The following CYP20A1 variants were observed in gnomAD, a reference collection of about 807,000 sequenced individuals.
CYP20A1 encodes cytochrome P450 family 20 subfamily A member 1.
In CYP20A1, 61 loss-of-function variants were observed where a neutral mutation model predicts 61.4. The ratio of observed to expected loss-of-function variants is 0.99; its 90% CI spans 0.81 to 1.23. The LOEUF is 1.23. CYP20A1 is among the 50% of genes most tolerant of loss of function. The pLI is 0.00. For synonymous variants in CYP20A1, 193 were observed against 188.2 expected (o/e 1.03, Z -0.21); for missense variants, 530 against 542.4 (o/e 0.98, Z 0.23).
In CYP20A1 at chr2:203,274,432, C is replaced by T. The variant is rs188494593; in HGVS notation, c.679+1684C>T. On this transcript the variant is annotated intron_variant, in intron 6 of 12. Transcript: ENST00000356079. ...AACTCCTGACCTTGGGTGATCCGCC[C>T]GCCTCAGCCTCCCAAAGTGCTGGGA... Among the ~76,000 whole-genome samples, 557 of 152,174 alleles carry T rather than the reference C, an allele frequency of 3.7e-3. 5 individuals carry two copies. Among genetic ancestry groups the T allele is most frequent in the Non-Finnish European group, 5.1e-3 (346 of 67,998 alleles).
chr2:203,269,661 A>C (rs183133054), intron 5 of CYP20A1, among the ~76,000 whole-genome samples: 1,884 of 151,844 alleles, frequency 0.012, 19 homozygotes, highest in Middle Eastern at 0.037. Flanking sequence ...CGCCTGGCTA[A>C]TTTTTGTACC....
chr2:203,296,744 T>G lies in CYP20A1; in HGVS notation c.1239-14T>G. ...TTTAATCTTTAGTAACTAATTGACT[T>G]TCTTCCTGACTAGGTTTGCATATAT... On this transcript the variant is annotated splice_polypyrimidine_tract_variant and intron_variant, in intron 12 of 12. Transcript: ENST00000356079. 1 of 1,573,622 alleles carries G rather than the reference T, an allele frequency of 6.4e-7. No individual in the cohort carries two copies. Among genetic ancestry groups the G allele is most frequent in the Non-Finnish European group, 8.6e-7 (1 of 1,167,916 alleles).
intron 11 of CYP20A1, among the ~76,000 whole-genome samples, chr2:203,292,615 C>T (rs553936389): frequency 3.3e-5 from 5 of 152,184 alleles, no homozygotes; most frequent in African/African-American, 1.2e-4. Flanking sequence ...CGTGCTGCCA[C>T]GCCTGGTTCA....
At chr2:203,285,768 G>A (rs762661265) in intron 9 of CYP20A1, 36 bp downstream of exon 9, 1 of 1,497,816 alleles carries the variant, frequency 6.7e-7, no homozygotes, top group Admixed American at 2.5e-5. Flanking sequence ...TTATTAAAAG[G>A]TAAATTTGAA....
rs1559110328 is a variant in CYP20A1 at position 203,294,940 on chromosome 2, AAT to A, written c.1149-1533_1149-1532del. 2.7e-4 allele frequency among the ~76,000 whole-genome samples: 25 copies of A among 91,226 alleles called. 1 individual carries two copies. Among genetic ancestry groups the A allele is most frequent in the South Asian group, 1.1e-3 (3 of 2,832 alleles). The allele number at this position is 91,226 out of a possible 152,430, so 59.8% of individuals were successfully genotyped here. ...AGCCACTGTGCCCAGCCTTTAAAAA[AAT>A]TTTTTTTTTTTTTTTTTTTTTTTTT... On this transcript the variant is annotated intron_variant, in intron 11 of 12. Coordinates refer to ENST00000356079, the MANE Select transcript of CYP20A1 (RefSeq NM_177538.3).
Position 203,298,976 on chromosome 2 carries a change from A to G in CYP20A1, c.*2068A>G, listed in dbSNP as rs888622990. On this transcript the variant is annotated 3_prime_UTR_variant, in exon 13 of 13. Coordinates refer to ENST00000356079, the MANE Select transcript of CYP20A1 (RefSeq NM_177538.3). ...CTTGAACCTGGGAGGCGGAGGTTGC[A>G]GTGAGCTGATGTTGTGCTAGTGCAC... Among the ~76,000 whole-genome samples, 2 of 152,096 alleles carry G rather than the reference A, an allele frequency of 1.3e-5. No individual in the cohort carries two copies. Among genetic ancestry groups the G allele is most frequent in the African/African-American group, 4.8e-5 (2 of 41,430 alleles).
chr2:203,251,927 G>A, intron 3 of CYP20A1, 40 bp from the exon 4 acceptor site: 3 of 1,479,656 alleles, frequency 2.0e-6, no homozygotes, highest in Non-Finnish European at 2.7e-6. Context: ...CTTTTTGAGT[G>A]ATTATTTTGA....
chr2:203,288,609 ATATT>A (rs990571404), intron 9 of CYP20A1, among the ~76,000 whole-genome samples: 65 of 152,144 alleles, frequency 4.3e-4, no homozygotes, highest in African/African-American at 1.5e-3. Context: ...TACGCAATAA[ATATT>A]TATACAGAGG....
intron 5 of CYP20A1, among the ~76,000 whole-genome samples, chr2:203,271,041 TA>T (rs2067547703): frequency 1.3e-5 from 1 of 78,036 alleles, no homozygotes; most frequent in Non-Finnish European, 2.7e-5. Flanking sequence ...TATATATATA[TA>T]TATGTATATG....
At chr2:203,269,389 A>G (rs2067466827) in intron 5 of CYP20A1, among the ~76,000 whole-genome samples, 1 of 150,774 alleles carries the variant, frequency 6.6e-6, no homozygotes, top group East Asian at 1.9e-4. Flanking sequence ...GGAGGATCAC[A>G]CCACCGCACT....
rs1160586594 is a variant in CYP20A1, at chr2:203,299,624, C to G, written c.*2716C>G. Among the ~76,000 whole-genome samples the G allele has an allele frequency of 1.3e-5, 2 of 152,090 alleles. No individual in the cohort carries two copies. The highest frequency in any genetic ancestry group is 2.4e-5 in the African/African-American group (1 of 41,398). ...GCGTGATGGCTCATGCCTGTAATCC[C>G]AGCACTTTGGGAGGCCGAGGCAGGC... On this transcript the variant is annotated 3_prime_UTR_variant, in exon 13 of 13. Transcript: ENST00000356079.
At chr2:203,245,023 C>A (rs1461372535) in intron 1 of CYP20A1, among the ~76,000 whole-genome samples, 85 of 150,118 alleles carry the variant, frequency 5.7e-4, no homozygotes, top group Non-Finnish European at 1.0e-4. Context: ...TGAGCCACCA[C>A]GCCCAGCCTT....
chr2:203,244,933 CG>C (rs2066405007), intron 1 of CYP20A1, among the ~76,000 whole-genome samples: 1 of 151,518 alleles, frequency 6.6e-6, no homozygotes, highest in Non-Finnish European at 1.5e-5. Flanking sequence ...GGGGTTTCAC[CG>C]TGTTAGCCAG....
intron 2 of CYP20A1, 56 bp downstream of exon 2, chr2:203,245,951 A>G: frequency 1.7e-6 from 2 of 1,158,844 alleles, no homozygotes; most frequent in Non-Finnish European, 2.5e-6. Context: ...ATTGATATCA[A>G]GACTAAACCA....
chr2:203,239,405 G>T (rs2066166748), intron 1 of CYP20A1, among the ~76,000 whole-genome samples: 1 of 152,234 alleles, frequency 6.6e-6, no homozygotes. Context: ...CGCCCCCGCA[G>T]GCCGGTCTCA....
At position 203,240,844 on chromosome 2, in the gene CYP20A1, C is replaced by T. The variant is rs145113951; in HGVS notation, c.72+1710C>T. On this transcript the variant is annotated intron_variant, in intron 1 of 12. Transcript: ENST00000356079. The stretch of plus-strand genomic sequence containing the variant: ...TTTTTAATGGACTTTTGCTGTGTGC[C>T]ACTGGAGGATTTCAGCAGATGAATG... Among the ~76,000 whole-genome samples the T allele has an allele frequency of 8.3e-4, 126 of 152,186 alleles. 7 individuals carry two copies. The highest frequency in any genetic ancestry group is 6.8e-3 in the Middle Eastern group (2 of 294).
At position 203,296,578 on chromosome 2, in the gene CYP20A1, G is replaced by C; in HGVS notation, c.1238+15G>C. ...CCAGAGTTGAGGTGAATAATAGAAT[G>C]CCAGACTCTGTTCTTAGAATTTTGA... On this transcript the variant is annotated intron_variant, in intron 12 of 12. Transcript: ENST00000356079. The C allele has an allele frequency of 6.3e-7, 1 of 1,576,478 alleles. No homozygotes were observed. The highest frequency in any genetic ancestry group is 8.7e-7 in the Non-Finnish European group (1 of 1,151,062).
At position 203,253,886 on chromosome 2, in the gene CYP20A1, GTTATC is replaced by G. The variant is rs1344943598; in HGVS notation, c.432+1782_432+1786del. 3.3e-5 allele frequency among the ~76,000 whole-genome samples: 5 copies of G among 151,820 alleles called. No homozygotes were observed. In the South Asian group the frequency reaches 8.3e-4, roughly 25 times the overall value. ...CTTTGGCCTTGGCTTTCTGGACAGT[GTTATC>G]TTATAACTGTCCTTGAAGTGAGCTT... On this transcript the variant is annotated intron_variant, in intron 4 of 12. Coordinates refer to ENST00000356079, the MANE Select transcript of CYP20A1 (RefSeq NM_177538.3).
intron 5 of CYP20A1, 93 bp downstream of exon 5, chr2:203,266,774 A>C: frequency 1.9e-6 from 2 of 1,047,734 alleles, no homozygotes; most frequent in Non-Finnish European, 2.9e-6. Context: ...TGCAGTCAGG[A>C]GTTAAAGACC....
Sources: gnomAD v4.1 joint callset for allele counts (sites outside exome capture counted in the v4.1 genomes callset) on GRCh38, gnomAD v4.1.1 for gene constraint, MANE v1.5 for transcripts, NCBI Gene and HGNC (gene_info 2026-07-23, HGNC 2026-07-21) for gene names.